The following SCN1A variants were observed in gnomAD, a reference collection of about 807,000 sequenced individuals.
SCN1A encodes sodium channel protein type 1 subunit alpha.
A neutral mutation model predicts 193.7 loss-of-function variants in SCN1A; 13 were observed. The observed-to-expected ratio is 0.07, with a 90% CI of 0.04 to 0.11. The LOEUF (loss-of-function observed/expected upper bound fraction) is 0.11. SCN1A is among the 10% of genes least tolerant of loss of function. The pLI is 1.00. For synonymous variants in SCN1A, 781 were observed against 843.6 expected (o/e 0.93, Z 1.29); for missense variants, 1,432 against 2,451.1 (o/e 0.58, Z 8.78).
chr2:166,045,349 T>G, intron 12 of SCN1A, 22 bp from the exon 13 acceptor site: 1 of 1,613,106 alleles, frequency 6.2e-7, no homozygotes, highest in East Asian at 2.2e-5. Flanking sequence ...AGAAATGATT[T>G]TAACATAGCA....
At chr2:166,043,314 A>G (rs933385151) in intron 14 of SCN1A, among the ~76,000 whole-genome samples, 2 of 152,234 alleles carry the variant, frequency 1.3e-5, no homozygotes, top group Admixed American at 1.3e-4. Flanking sequence ...GATTTATTAC[A>G]TACCCTTGAC....
intron 2 of SCN1A, among the ~76,000 whole-genome samples, chr2:166,114,260 A>G (rs544280691): frequency 6.4e-4 from 97 of 152,322 alleles, no homozygotes; most frequent in African/African-American, 2.2e-3. Flanking sequence ...TATATAAATT[A>G]TTTTGTGCCT....
intron 19 of SCN1A, among the ~76,000 whole-genome samples, chr2:166,017,281 G>A (rs1574076242): frequency 2.6e-5 from 4 of 151,738 alleles, no homozygotes; most frequent in Non-Finnish European, 4.4e-5. Context: ...ATCTACTTTC[G>A]GGTTGCATTT....
At chr2:166,138,167 G>A (rs1433672420) in intron 1 of SCN1A, among the ~76,000 whole-genome samples, 4 of 152,194 alleles carry the variant, frequency 2.6e-5, no homozygotes, top group Non-Finnish European at 5.9e-5. Context: ...GAGCATAAAA[G>A]TTTGGAAAAT....
At chr2:166,030,714 C>T (rs1055398583) in intron 19 of SCN1A, among the ~76,000 whole-genome samples, 2 of 151,648 alleles carry the variant, frequency 1.3e-5, no homozygotes, top group Non-Finnish European at 2.9e-5. Flanking sequence ...TAGCGATTTG[C>T]TCATAGTAGA....
At chr2:166,035,051 A>G (rs988530987) in intron 19 of SCN1A, among the ~76,000 whole-genome samples, 3 of 152,190 alleles carry the variant, frequency 2.0e-5, no homozygotes, top group African/African-American at 7.2e-5. Flanking sequence ...TGCATAGGGC[A>G]GTGTAATTTT....
In SCN1A at chr2:165,998,601, T is replaced by A. The variant is rs185703613; in HGVS notation, c.4339-426A>T. On this transcript the variant is annotated intron_variant, in intron 25 of 28. Transcript: ENST00000674923. The stretch of plus-strand genomic sequence containing the variant: ...AGAAATGAGTTGTTCATTCAGATGT[T>A]TGGCACTTTACCCTAAAGTAACAGT... Among the ~76,000 whole-genome samples the A allele has an allele frequency of 2.4e-3, 364 of 151,466 alleles. 2 individuals carry two copies. The highest frequency in any genetic ancestry group is 3.4e-3 in the Middle Eastern group (1 of 294).
intron 19 of SCN1A, among the ~76,000 whole-genome samples, chr2:166,024,267 T>C (rs1175909355): frequency 2.6e-5 from 4 of 151,854 alleles, no homozygotes; most frequent in African/African-American, 9.7e-5. Flanking sequence ...AAATGAAAAA[T>C]CCTGTGATCA....
At chr2:166,095,300 A>G (rs1227285872) in intron 2 of SCN1A, among the ~76,000 whole-genome samples, 2 of 152,176 alleles carry the variant, frequency 1.3e-5, no homozygotes, top group Non-Finnish European at 2.9e-5. Flanking sequence ...ATTTCTGCCC[A>G]ACTTCACTAA....
chr2:165,993,690 T>G (rs1322007603), intron 28 of SCN1A: 1 of 170,522 alleles, frequency 5.9e-6, no homozygotes, highest in Non-Finnish European at 1.3e-5. Flanking sequence ...GTCCTTGTCT[T>G]TATTCTCTTT....
chr2:166,066,485 G>A (rs377511031), intron 4 of SCN1A, among the ~76,000 whole-genome samples: 11 of 152,056 alleles, frequency 7.2e-5, no homozygotes, highest in African/African-American at 2.7e-4. Flanking sequence ...AATGCCCTTA[G>A]TGAATTCTAA....
In SCN1A at chr2:165,991,369, A is replaced by G; in HGVS notation, c.5906T>C (p.Ile1969Thr). 2 of 1,613,364 alleles carry G rather than the reference A, an allele frequency of 1.2e-6. No homozygotes were observed. The highest frequency in any genetic ancestry group is 1.1e-5 in the South Asian group (1 of 91,032). Residue 1969 changes from isoleucine (I) to threonine (T), a missense_variant, in exon 29 of 29, where the codon ATT becomes ACT. Ile to Thr is a moderately conservative substitution (Grantham distance 89). Transcript: ENST00000674923. ...CATGGTCAGATCAGTTTTTTCTGTA[A>G]TAGAGTTTTCATTTATTCTGTCAAT... Reference protein sequence around the residue: ...MIIDRINENSITEKTDLTMST... With the variant: ...MIIDRINENSTTEKTDLTMST...
chr2:166,023,900 C>T (rs1256942330), intron 19 of SCN1A, among the ~76,000 whole-genome samples: 1 of 151,998 alleles, frequency 6.6e-6, no homozygotes, highest in Non-Finnish European at 1.5e-5. Context: ...CTCAGCCTCC[C>T]AAGTAGCTGG....
intron 2 of SCN1A, among the ~76,000 whole-genome samples, chr2:166,089,302 G>A (rs187629255): frequency 1.3e-5 from 2 of 152,036 alleles, no homozygotes; most frequent in Non-Finnish European, 2.9e-5. Context: ...TGGACAGTTT[G>A]TATGTTTAGT....
intron 26 of SCN1A, 147 bp from the exon 27 acceptor site, chr2:165,996,264 A>G: frequency 1.8e-6 from 1 of 566,998 alleles, no homozygotes; most frequent in Admixed American, 3.1e-5. Context: ...ATGTAAAAAA[A>G]ATTGTACTCT....
At position 165,996,073 on chromosome 2, in the gene SCN1A, G is replaced by A. The variant is rs750997506; in HGVS notation, c.4521C>T (p.Tyr1507=). Residue 1507 remains tyrosine (Y), a synonymous_variant, in exon 27 of 29, where the codon TAC becomes TAT. Coordinates refer to ENST00000674923, the MANE Select transcript of SCN1A (RefSeq NM_001165963.4). ...ATCCTAATTTTTTCATTGCATTATAGTATTTCTTCTGTTCTTCTGTCATAA... is the reference window on the plus strand; with the variant it reads ...ATCCTAATTTTTTCATTGCATTATAATATTTCTTCTGTTCTTCTGTCATAA... ...DIFMTEEQKK[Y]YNAMKKLGSK... 1 of 1,608,986 alleles carries A rather than the reference G, an allele frequency of 6.2e-7. No homozygotes were observed. The highest frequency in any genetic ancestry group is 1.7e-4 in the Middle Eastern group (1 of 5,994).
upstream of SCN1A, among the ~76,000 whole-genome samples, chr2:166,129,664 T>C (rs1691568236): frequency 6.6e-6 from 1 of 152,212 alleles, no homozygotes; most frequent in African/African-American, 2.4e-5. Context: ...GAGTGGGAAC[T>C]GCATGAACTA....
chr2:165,999,580 GCTTGAATATTTAC>G lies in SCN1A; in HGVS notation c.4338+130_4338+142del, dbSNP rs1271498171. On this transcript the variant is annotated intron_variant, in intron 25 of 28. Coordinates refer to ENST00000674923, the MANE Select transcript of SCN1A (RefSeq NM_001165963.4). ...AGATCTTTCTGATAAACATTGCTAT[GCTTGAATATTTAC>G]CTGTCACACTTTTTCCCAAATATTT... The G allele has an allele frequency of 7.3e-6, 5 of 682,604 alleles. No homozygotes were observed. In the South Asian group the frequency reaches 8.4e-5, roughly 11 times the overall value. 42.3% of individuals were successfully genotyped at this position (682,604 alleles called of 1,614,324 possible).
Position 166,046,996 on chromosome 2 carries a change from A to T in SCN1A, c.1171-20T>A. 6.2e-7 allele frequency: 1 copy of T among 1,611,298 alleles called. No homozygotes were observed. Among genetic ancestry groups the T allele is most frequent in the Non-Finnish European group, 8.5e-7 (1 of 1,177,576 alleles). ...TAATGTCTGCAAACAAAAATATCAG[A>T]ATTATTTCTCAATATTATTTCACTA... On this transcript the variant is annotated intron_variant, in intron 11 of 28. Transcript: ENST00000674923.
Sources: gnomAD v4.1 joint callset for allele counts (sites outside exome capture counted in the v4.1 genomes callset) on GRCh38, gnomAD v4.1.1 for gene constraint, MANE v1.5 for transcripts, NCBI Gene and HGNC (gene_info 2026-07-23, HGNC 2026-07-21) for gene names.